NRXN1: variants seen among roughly 807,000 people sequenced by gnomAD.
NRXN1 encodes the protein neurexin-1.
A neutral mutation model predicts 150.9 loss-of-function variants in NRXN1; 39 were observed. The ratio of observed to expected loss-of-function variants is 0.26; its 90% CI spans 0.20 to 0.34. The LOEUF (loss-of-function observed/expected upper bound fraction) is 0.34, where lower values mean the gene tolerates loss of function less well. NRXN1 is among the 10% of genes least tolerant of loss of function. The pLI is 1.00. For missense variants in NRXN1, 1,815 were observed against 1,949.9 expected, an observed-to-expected ratio of 0.93 and a Z score of 1.30; for synonymous variants, 924 against 757.0, an observed-to-expected ratio of 1.22 and a Z score of -3.62.
chr2:51,031,860 A>G (rs1489593990), intron 1 of NRXN1, 121 bp downstream of exon 1: 1 of 151,964 alleles, frequency 6.6e-6, no homozygotes, highest in Non-Finnish European at 1.5e-5. Flanking sequence ...CCACCCTCCC[A>G]CCACCCATCT....
At chr2:50,473,632 A>G (rs1412237024) in intron 15 of NRXN1, among the ~76,000 whole-genome samples, 1 of 151,974 alleles carries the variant, frequency 6.6e-6, no homozygotes, top group African/African-American at 2.4e-5. Context: ...ATTCAACTTG[A>G]TGTCACTTGG....
chr2:50,063,547 G>GACACACACAAACACAC (rs1694892155), intron 19 of NRXN1, among the ~76,000 whole-genome samples: 1 of 137,516 alleles, frequency 7.3e-6, no homozygotes. Flanking sequence ...CACCTCAACA[G>GACACACACAAACACAC]ACACACACAC....
chr2:50,441,655 G>C (rs927099556), intron 17 of NRXN1, among the ~76,000 whole-genome samples: 4 of 152,040 alleles, frequency 2.6e-5, no homozygotes, highest in Non-Finnish European at 1.5e-5. Context: ...AACTTGTTCT[G>C]GGCTTTTTAT....
chr2:50,683,646 A>AAAAAAAAAAAAAAAT lies in NRXN1; in HGVS notation c.833-60032_833-60031insATTTTTTTTTTTTTT. Among the ~76,000 whole-genome samples the AAAAAAAAAAAAAAAT allele has an allele frequency of 3.4e-4, 5 of 14,906 alleles. 1 individual carries two copies. The highest frequency in any genetic ancestry group is 7.5e-3 in the East Asian group (2 of 266). 9.8% of individuals were successfully genotyped at this position (14,906 alleles called of 152,430 possible). Reference sequence around the variant, plus strand: ...GACTCCGTCTCAAAAAAAAAAAAAAAATATATATATATATATATATGTTAT... The same window carrying AAAAAAAAAAAAAAAT: ...GACTCCGTCTCAAAAAAAAAAAAAAAAAAAAAAAAAAAAATATATATATATATATATATATGTTAT... On this transcript the variant is annotated intron_variant, in intron 5 of 22. Coordinates refer to ENST00000401669, the MANE Select transcript of NRXN1 (RefSeq NM_001330078.2).
At chr2:50,522,452 G>T (rs1178977738) in intron 12 of NRXN1, among the ~76,000 whole-genome samples, 1 of 152,030 alleles carries the variant, frequency 6.6e-6, no homozygotes, top group African/African-American at 2.4e-5. Flanking sequence ...AACTGTGCTT[G>T]GTTTCAACAT....
At chr2:50,811,216 TTGAAACATCCCTG>T (rs1668168238) in intron 5 of NRXN1, among the ~76,000 whole-genome samples, 1 of 152,208 alleles carries the variant, frequency 6.6e-6, no homozygotes, top group South Asian at 2.1e-4. Flanking sequence ...TGATGATTCC[TTGAAACATCCCTG>T]TGACTTAAAG....
intron 2 of NRXN1, among the ~76,000 whole-genome samples, chr2:50,936,060 T>C (rs929795471): frequency 1.3e-5 from 2 of 152,140 alleles, no homozygotes; most frequent in African/African-American, 2.4e-5. Flanking sequence ...TATACCTCAA[T>C]TTCCTAATGA....
At chr2:49,923,719 CGTGTGTGT>C (rs374281286) in intron 22 of NRXN1, among the ~76,000 whole-genome samples, 2 of 151,486 alleles carry the variant, frequency 1.3e-5, no homozygotes, top group Admixed American at 1.3e-4. Context: ...TTTGCCTAAA[CGTGTGTGT>C]GTGTGTGTTT....
At chr2:50,286,032 A>G (rs968508265) in intron 17 of NRXN1, among the ~76,000 whole-genome samples, 2 of 152,186 alleles carry the variant, frequency 1.3e-5, no homozygotes, top group Non-Finnish European at 2.9e-5. Context: ...ATAAAATTGT[A>G]TGTGTTTAAC....
At chr2:50,325,446 T>G (rs2076326825) in intron 17 of NRXN1, among the ~76,000 whole-genome samples, 1 of 152,158 alleles carries the variant, frequency 6.6e-6, no homozygotes, top group South Asian at 2.1e-4. Context: ...GGGACTAAAA[T>G]TTGCTGCTGC....
At chr2:50,993,460 C>T (rs1056085149) in intron 2 of NRXN1, among the ~76,000 whole-genome samples, 4 of 151,740 alleles carry the variant, frequency 2.6e-5, no homozygotes, top group African/African-American at 9.7e-5. Flanking sequence ...CTCAGCCATT[C>T]ACCCTTTCCC....
chr2:50,033,465 C>G (rs1163259242), intron 21 of NRXN1, among the ~76,000 whole-genome samples: 2 of 152,064 alleles, frequency 1.3e-5, no homozygotes, highest in Non-Finnish European at 2.9e-5. Flanking sequence ...ACACCATATA[C>G]AAAAATTAAC....
chr2:50,777,352 A>ATTTATG (rs1278998003), intron 5 of NRXN1, among the ~76,000 whole-genome samples: 1 of 152,186 alleles, frequency 6.6e-6, no homozygotes, highest in Admixed American at 6.5e-5. Flanking sequence ...TATGCCTAAA[A>ATTTATG]GCAAACATTT....
rs532061536 is a variant in NRXN1, at chr2:50,471,292, A to G, written c.3244+1006T>C. On this transcript the variant is annotated intron_variant, in intron 16 of 22. Coordinates refer to ENST00000401669, the MANE Select transcript of NRXN1 (RefSeq NM_001330078.2). Reference sequence around the variant, plus strand: ...CTTGTGAGCCTCCAATGTCCCTTATACCATGCTGTATGCTTTTGTGCACCC... The same window carrying G: ...CTTGTGAGCCTCCAATGTCCCTTATGCCATGCTGTATGCTTTTGTGCACCC... Among the ~76,000 whole-genome samples, 33 of 151,640 alleles carry G rather than the reference A, an allele frequency of 2.2e-4. No homozygotes were observed. The South Asian group carries it at 6.4e-3, about 30-fold the overall frequency.
intron 12 of NRXN1, among the ~76,000 whole-genome samples, chr2:50,519,251 A>T (rs2092714179): frequency 1.3e-5 from 2 of 151,888 alleles, no homozygotes. Context: ...TCTTTATTTG[A>T]ATTTTAAGAT....
chr2:50,556,787 C>T (rs1167408793), intron 8 of NRXN1, among the ~76,000 whole-genome samples: 1 of 152,066 alleles, frequency 6.6e-6, no homozygotes, highest in Admixed American at 6.6e-5. Flanking sequence ...TAGTAGTCTG[C>T]ATATTAACTT....
chr2:50,704,455 A>G (rs1320893209), intron 5 of NRXN1, among the ~76,000 whole-genome samples: 1 of 151,974 alleles, frequency 6.6e-6, no homozygotes, highest in Non-Finnish European at 1.5e-5. Context: ...GGATATTTGC[A>G]AAAATATTTA....
intron 5 of NRXN1, among the ~76,000 whole-genome samples, chr2:50,877,938 A>G (rs1392909125): frequency 6.6e-6 from 1 of 151,924 alleles, no homozygotes; most frequent in East Asian, 2.0e-4. Context: ...TGTGATCAAC[A>G]TATTTTACTT....
At chr2:49,930,734 A>C (rs1461154735) in intron 22 of NRXN1, among the ~76,000 whole-genome samples, 1 of 152,146 alleles carries the variant, frequency 6.6e-6, no homozygotes, top group Non-Finnish European at 1.5e-5. Context: ...CCAAACTCTA[A>C]TGAAGATTGA....
Sources: allele counts gnomAD v4.1 joint callset (sites outside exome capture counted in the v4.1 genomes callset), GRCh38; gene constraint gnomAD v4.1.1; transcripts MANE v1.5; gene names NCBI Gene and HGNC (gene_info 2026-07-23, HGNC 2026-07-21).